Variants in COPS3 observed in about 807,000 individuals in gnomAD.
The protein encoded by COPS3 is COP9 signalosome complex subunit 3.
A neutral mutation model predicts 58.2 loss-of-function variants in COPS3; 10 were observed. That is an observed-to-expected ratio of 0.17 (90% CI 0.11 to 0.29). The LOEUF (loss-of-function observed/expected upper bound fraction) is 0.29, where lower values mean the gene tolerates loss of function less well. Ranked by LOEUF, COPS3 falls within the 10% of genes least tolerant of loss-of-function variation. The pLI is 1.00. For synonymous variants in COPS3, 187 were observed against 181.7 expected, an observed-to-expected ratio of 1.03 and a Z score of -0.24; for missense variants, 333 against 510.1, an observed-to-expected ratio of 0.65 and a Z score of 3.34.
intron 8 of COPS3, among the ~76,000 whole-genome samples, chr17:17,256,415 G>C (rs1597667799): frequency 6.6e-6 from 1 of 152,012 alleles, no homozygotes; most frequent in African/African-American, 2.4e-5. Flanking sequence ...AAACAAATGG[G>C]GGAGTTAAAT....
Position 17,261,965 on chromosome 17 carries a change from C to T in COPS3, c.762+1G>A. On this transcript the variant is annotated splice_donor_variant, in intron 7 of 11. Transcript: ENST00000268717. LOFTEE classifies it high-confidence loss of function. ...AAATCAGTTTTATGTAAAAAACTTA[C>T]CTTAATGAATCTACCCACAATTTGA... is the stretch of plus-strand genomic sequence containing the variant. 6.3e-7 allele frequency: 1 copy of T among 1,577,106 alleles called. No homozygotes were observed.
At chr17:17,249,473 G>A (rs1056242510) in intron 9 of COPS3, among the ~76,000 whole-genome samples, 7 of 151,738 alleles carry the variant, frequency 4.6e-5, no homozygotes, top group African/African-American at 1.7e-4. Context: ...ACAGGTGCCC[G>A]CCACCACACC....
rs1455761713 is a variant in COPS3 at position 17,271,855 on chromosome 17, T to TAC, written c.186-848_186-847insGT. ...CTATATATATCTATATATATATATA[T>TAC]ATACACACATACACACACATATGTT... On this transcript the variant is annotated intron_variant, in intron 2 of 11. Coordinates refer to ENST00000268717, the MANE Select transcript of COPS3 (RefSeq NM_003653.4). Among the ~76,000 whole-genome samples, 114 of 136,214 alleles carry TAC rather than the reference T, an allele frequency of 8.4e-4. 2 individuals are homozygous for TAC. The highest frequency in any genetic ancestry group is 3.7e-3 in the Middle Eastern group (1 of 268). The allele number at this position is 136,214 out of a possible 152,430, so 89.4% of individuals were successfully genotyped here.
Position 17,263,505 on chromosome 17 carries a change from C to CTTTTTT in COPS3, c.621+1296_621+1297insAAAAAA, listed in dbSNP as rs1400982096. 6.5e-5 allele frequency among the ~76,000 whole-genome samples: 7 copies of CTTTTTT among 108,496 alleles called. 1 individual carries two copies. Among genetic ancestry groups the CTTTTTT allele is most frequent in the South Asian group, 3.4e-4 (1 of 2,972 alleles). 71.2% of individuals were successfully genotyped at this position (108,496 alleles called of 152,430 possible). On this transcript the variant is annotated intron_variant, in intron 6 of 11. Transcript: ENST00000268717. ...TGAGCCACCTCACCCAGCCTCTTGC[C>CTTTTTT]TTTTCTTTTTTTTTTTTTTTTTTTT...
In COPS3 at chr17:17,264,673, T is replaced by G. The variant is rs1457539450; in HGVS notation, c.621+129A>C. Reference sequence around the variant, plus strand: ...CACTATTTACATGATCACAGAGAAGTAGTCTCTGAAAGGACCAACACCTGA... The same window carrying G: ...CACTATTTACATGATCACAGAGAAGGAGTCTCTGAAAGGACCAACACCTGA... On this transcript the variant is annotated intron_variant, in intron 6 of 11. Coordinates refer to ENST00000268717, the MANE Select transcript of COPS3 (RefSeq NM_003653.4). 6 of 674,682 alleles carry G rather than the reference T, an allele frequency of 8.9e-6. No homozygotes were observed. In the East Asian group the frequency reaches 1.4e-4, roughly 15 times the overall value. The allele number at this position is 674,682 out of a possible 1,614,324, so 41.8% of individuals were successfully genotyped here.
chr17:17,266,988 G>A (rs966750203), intron 5 of COPS3, among the ~76,000 whole-genome samples: 2 of 150,688 alleles, frequency 1.3e-5, no homozygotes, highest in Non-Finnish European at 3.0e-5. Context: ...GATTACAGGC[G>A]TGAACCACTG....
chr17:17,276,233 C>T (rs2048458859), intron 1 of COPS3, 69 bp from the exon 2 acceptor site: 2 of 1,583,350 alleles, frequency 1.3e-6, no homozygotes, highest in Non-Finnish European at 1.7e-6. Flanking sequence ...ACTCTAACCA[C>T]AACTTTGTAC....
intron 4 of COPS3, among the ~76,000 whole-genome samples, chr17:17,270,390 A>T (rs1458229394): frequency 2.6e-5 from 4 of 152,188 alleles, no homozygotes; most frequent in Non-Finnish European, 5.9e-5. Context: ...ATGTATGAGA[A>T]TTTTTTATAT....
rs979451369 is a variant in COPS3, at chr17:17,254,854, C to T, written c.1023+5G>A. 1 of 1,418,502 alleles carries T rather than the reference C, an allele frequency of 7.0e-7. No homozygotes were observed. The highest frequency in any genetic ancestry group is 9.7e-7 in the Non-Finnish European group (1 of 1,029,336). The allele number at this position is 1,418,502 out of a possible 1,614,324, so 87.9% of individuals were successfully genotyped here. A position where few individuals can be genotyped will look rare whatever the true frequency, so the allele number is the denominator to read the frequency against. On this transcript the variant is annotated splice_donor_5th_base_variant and intron_variant, in intron 9 of 11. Coordinates refer to ENST00000268717, the MANE Select transcript of COPS3 (RefSeq NM_003653.4). ...AAAAGAAAAAGAAAAAGAAAATCCA[C>T]TTACCATGTGCAGAACGTATTTCTC...
Position 17,281,194 on chromosome 17 carries a change from C to A in COPS3, c.-8G>T. On this transcript the variant is annotated 5_prime_UTR_variant, in exon 1 of 12. Coordinates refer to ENST00000268717, the MANE Select transcript of COPS3 (RefSeq NM_003653.4). ...CTCCAGGGCAGACGCCATGTTTTCCCCCGGGCGGCCCGAGCGGCGAAGGCA... is the reference window on the plus strand; with the variant it reads ...CTCCAGGGCAGACGCCATGTTTTCCACCGGGCGGCCCGAGCGGCGAAGGCA... 1.2e-6 allele frequency: 2 copies of A among 1,608,822 alleles called. No individual in the cohort carries two copies. Among genetic ancestry groups the A allele is most frequent in the African/African-American group, 1.3e-5 (1 of 74,970 alleles).
intron 1 of COPS3, among the ~76,000 whole-genome samples, chr17:17,277,386 T>C (rs2048482669): frequency 6.6e-6 from 1 of 152,184 alleles, no homozygotes; most frequent in Non-Finnish European, 1.5e-5. Flanking sequence ...TCCTAATTGA[T>C]CTATTTTTCC....
chr17:17,271,044 A>G, intron 2 of COPS3, 36 bp from the exon 3 acceptor site: 2 of 1,393,866 alleles, frequency 1.4e-6, no homozygotes, highest in Non-Finnish European at 2.0e-6. Context: ...TTACCCTGAT[A>G]GTTCATGGGA....
intron 4 of COPS3, among the ~76,000 whole-genome samples, chr17:17,269,124 A>T (rs969129385): frequency 2.0e-5 from 3 of 152,186 alleles, no homozygotes; most frequent in South Asian, 2.1e-4. Flanking sequence ...CAGGAGTTCT[A>T]GAGGCTAGCC....
At chr17:17,258,905 T>C (rs1230980870) in intron 8 of COPS3, among the ~76,000 whole-genome samples, 1 of 152,220 alleles carries the variant, frequency 6.6e-6, no homozygotes, top group Non-Finnish European at 1.5e-5. Flanking sequence ...CTAGAAGCTA[T>C]GGCTAGTCTT....
In COPS3 at chr17:17,281,241, C is replaced by T. The variant is rs1341535811; in HGVS notation, c.-55G>A. ...GGCAGCACGCGCGGGAAAAGGCTGC[C>T]GCTCTGGGAGGAGGGGCCGCGGCGA... On this transcript the variant is annotated 5_prime_UTR_variant, in exon 1 of 12. Coordinates refer to ENST00000268717, the MANE Select transcript of COPS3 (RefSeq NM_003653.4). 2.5e-6 allele frequency: 4 copies of T among 1,574,136 alleles called. No individual in the cohort carries two copies. The highest frequency in any genetic ancestry group is 3.6e-5 in the Admixed American group (2 of 54,990).
chr17:17,254,194 G>A (rs1479121874), intron 9 of COPS3, among the ~76,000 whole-genome samples: 1 of 151,190 alleles, frequency 6.6e-6, no homozygotes, highest in African/African-American at 2.4e-5. Flanking sequence ...TGTAGTCCCA[G>A]CTACTTGGGA....
chr17:17,265,005 C>T (rs1253278985), intron 5 of COPS3, 24 bp from the exon 6 acceptor site: 2 of 1,590,120 alleles, frequency 1.3e-6, no homozygotes, highest in Non-Finnish European at 1.7e-6. Context: ...GATATTAAAT[C>T]ATCACTTTAA....
Position 17,247,531 on chromosome 17 carries a change from C to T in COPS3, c.1167G>A (p.Arg389=). ...EMLKCIELDE[R]LKAMDQEITV... The stretch of plus-strand genomic sequence containing the variant: ...TGATCTCCTGGTCCATGGCTTTCAG[C>T]CGCTCATCCAGCTCAATGCACTTCA... The change falls in exon 11 of 12, where the codon CGG becomes CGA. Residue 389 remains arginine (R), a synonymous_variant. Transcript: ENST00000268717. The T allele has an allele frequency of 6.2e-7, 1 of 1,614,216 alleles. No individual in the cohort carries two copies. The highest frequency in any genetic ancestry group is 8.5e-7 in the Non-Finnish European group (1 of 1,180,038).
At chr17:17,256,513 T>C (rs1185060636) in intron 8 of COPS3, among the ~76,000 whole-genome samples, 1 of 152,130 alleles carries the variant, frequency 6.6e-6, no homozygotes, top group East Asian at 1.9e-4. Context: ...TTCAGAAACA[T>C]ATTAAAAGAG....
Sources: gnomAD v4.1 joint callset for allele counts (sites outside exome capture counted in the v4.1 genomes callset) on GRCh38, gnomAD v4.1.1 for gene constraint, MANE v1.5 for transcripts, NCBI Gene and HGNC (gene_info 2026-07-23, HGNC 2026-07-21) for gene names.